The following KIAA1217 variants were observed in gnomAD, a reference collection of about 807,000 sequenced individuals.
The protein encoded by KIAA1217 is KIAA1217, also known as sickle tail protein homolog.
A neutral mutation model predicts 163.9 loss-of-function variants in KIAA1217; 88 were observed. The observed-to-expected ratio is 0.54, with a 90% CI of 0.45 to 0.64. The LOEUF is 0.64. Among genes scored for constraint, KIAA1217 ranks in the 30% least tolerant of loss-of-function variants. The pLI, the probability that KIAA1217 is intolerant of heterozygous loss-of-function variation, is 0.00. For synonymous variants in KIAA1217, 903 were observed against 923.1 expected, an observed-to-expected ratio of 0.98 and a Z score of 0.39; for missense variants, 2,372 against 2,475.0, an observed-to-expected ratio of 0.96 and a Z score of 0.88.
chr10:23,845,453 A>G (rs190477197), intron 1 of KIAA1217, among the ~76,000 whole-genome samples: 124 of 152,180 alleles, frequency 8.1e-4, no homozygotes, highest in African/African-American at 2.8e-3. Context: ...ATGGTATCTC[A>G]TTGTGGTTTT....
At chr10:24,368,920 C>T in intron 2 of KIAA1217, 2 of 884,622 alleles carry the variant, frequency 2.3e-6, no homozygotes, top group Non-Finnish European at 2.7e-6. Context: ...CCAATTACTT[C>T]TCACTTTATC....
intron 6 of KIAA1217, among the ~76,000 whole-genome samples, chr10:24,492,664 A>T (rs1034013832): frequency 6.6e-6 from 1 of 152,182 alleles, no homozygotes; most frequent in Non-Finnish European, 1.5e-5. Flanking sequence ...GAAGCTTCCA[A>T]TTACAAAATT....
intron 1 of KIAA1217, among the ~76,000 whole-genome samples, chr10:23,885,689 G>A (rs1356507939): frequency 6.6e-6 from 1 of 151,934 alleles, no homozygotes; most frequent in African/African-American, 2.4e-5. Context: ...TCGTGGAACT[G>A]ATCAGAACAG....
Position 23,971,133 on chromosome 10 carries a change from C to T in KIAA1217, c.-320-36092C>T, listed in dbSNP as rs989176341. On this transcript the variant is annotated intron_variant, in intron 1 of 18. Transcript: ENST00000376462. ...GAGTCTTCCCTTGGGGTTGTTTTCCCGTGTGCACAGTGGCCTGCCCGCCCT... is the reference window on the plus strand; with the variant it reads ...GAGTCTTCCCTTGGGGTTGTTTTCCTGTGTGCACAGTGGCCTGCCCGCCCT... Among the ~76,000 whole-genome samples the T allele has an allele frequency of 8.5e-5, 13 of 152,198 alleles. No individual in the cohort carries two copies. The South Asian group carries it at 1.5e-3, about 17-fold the overall frequency.
intron 1 of KIAA1217, among the ~76,000 whole-genome samples, chr10:23,991,677 C>A (rs184539763): frequency 6.6e-6 from 1 of 152,062 alleles, no homozygotes; most frequent in African/African-American, 2.4e-5. Flanking sequence ...CCGCATTTCA[C>A]GTATATGATA....
At chr10:23,791,495 C>T (rs1835950110) in intron 1 of KIAA1217, among the ~76,000 whole-genome samples, 2 of 152,176 alleles carry the variant, frequency 1.3e-5, no homozygotes, top group African/African-American at 2.4e-5. Flanking sequence ...AATAAAACCA[C>T]AGTACCAATA....
intron 2 of KIAA1217, among the ~76,000 whole-genome samples, chr10:24,334,731 A>G (rs2046136830): frequency 6.6e-6 from 1 of 152,210 alleles, no homozygotes; most frequent in African/African-American, 2.4e-5. Flanking sequence ...AGTGTTTGGC[A>G]CATAGTCATA....
intron 1 of KIAA1217, among the ~76,000 whole-genome samples, chr10:23,785,507 T>G (rs962449322): frequency 6.6e-6 from 1 of 152,216 alleles, no homozygotes; most frequent in African/African-American, 2.4e-5. Context: ...ATCTATTTTA[T>G]TTTTCATCAC....
Position 24,251,422 on chromosome 10 carries a change from A to G in KIAA1217, c.354+31513A>G, listed in dbSNP as rs1259217923. 2.9e-5 allele frequency among the ~76,000 whole-genome samples: 4 copies of G among 139,746 alleles called. No individual in the cohort carries two copies. In the East Asian group the frequency reaches 6.2e-4, roughly 22 times the overall value. 91.7% of individuals were successfully genotyped at this position (139,746 alleles called of 152,430 possible). A position where few individuals can be genotyped will look rare whatever the true frequency, so the allele number is the denominator to read the frequency against. ...TCTCAAAAAAAAAAAAAAAAAAAAA[A>G]CAAGAAAAAAAAAGAAAGAAAAAAA... On this transcript the variant is annotated intron_variant, in intron 2 of 20. Transcript: ENST00000376454.
chr10:24,338,192 C>T (rs903258606), intron 2 of KIAA1217, among the ~76,000 whole-genome samples: 1 of 152,110 alleles, frequency 6.6e-6, no homozygotes, highest in South Asian at 2.1e-4. Flanking sequence ...TAGGTTCTGC[C>T]AATGCAGAGG....
chr10:24,244,713 T>A (rs1211935984), intron 2 of KIAA1217, among the ~76,000 whole-genome samples: 2 of 151,944 alleles, frequency 1.3e-5, no homozygotes, highest in Non-Finnish European at 2.9e-5. Flanking sequence ...TATAGGCATG[T>A]GCTACCATGC....
intron 2 of KIAA1217, among the ~76,000 whole-genome samples, chr10:24,290,627 G>A (rs1359515463): frequency 2.0e-5 from 3 of 148,166 alleles, no homozygotes; most frequent in Non-Finnish European, 3.0e-5. Context: ...TTTTTCAGAC[G>A]GAGTCTTGCT....
intron 1 of KIAA1217, among the ~76,000 whole-genome samples, chr10:24,212,643 T>C (rs1456161025): frequency 6.6e-6 from 1 of 152,246 alleles, no homozygotes; most frequent in Non-Finnish European, 1.5e-5. Context: ...GCTTCATTTT[T>C]AGTTCTCCCG....
At chr10:23,894,933 G>T (rs1277607513) in intron 1 of KIAA1217, among the ~76,000 whole-genome samples, 1 of 151,978 alleles carries the variant, frequency 6.6e-6, no homozygotes, top group African/African-American at 2.4e-5. Context: ...AAACTGGCTA[G>T]CCATATGTAG....
intron 1 of KIAA1217, among the ~76,000 whole-genome samples, chr10:23,857,534 G>A (rs370862070): frequency 5.9e-5 from 9 of 152,288 alleles, no homozygotes; most frequent in Middle Eastern, 3.4e-3. Context: ...AGGTCTTCAA[G>A]CCTGTCTCTA....
At chr10:24,239,170 C>T (rs116279891) in intron 2 of KIAA1217, 2 of 985,206 alleles carry the variant, frequency 2.0e-6, no homozygotes, top group African/African-American at 1.7e-5. Context: ...ATGCAAATGA[C>T]GAGAGTTTCA....
At chr10:23,913,668 TA>T (rs1000083802) in intron 1 of KIAA1217, among the ~76,000 whole-genome samples, 2 of 152,132 alleles carry the variant, frequency 1.3e-5, no homozygotes, top group African/African-American at 4.8e-5. Context: ...TGTCTGGTTC[TA>T]AAATAGCACT....
chr10:24,356,677 T>A (rs2049148601), intron 2 of KIAA1217, among the ~76,000 whole-genome samples: 1 of 152,178 alleles, frequency 6.6e-6, no homozygotes, highest in South Asian at 2.1e-4. Context: ...AAAGAATAAG[T>A]TTGGGCCCCC....
intron 2 of KIAA1217, among the ~76,000 whole-genome samples, chr10:24,089,838 A>G (rs963492021): frequency 1.3e-5 from 2 of 151,902 alleles, no homozygotes; most frequent in Admixed American, 6.5e-5. Context: ...GGATAGGAAG[A>G]ATCAATGTCA....
Sources: gnomAD v4.1 joint callset for allele counts (sites outside exome capture counted in the v4.1 genomes callset) on GRCh38, gnomAD v4.1.1 for gene constraint, MANE v1.5 for transcripts, NCBI Gene and HGNC (gene_info 2026-07-23, HGNC 2026-07-21) for gene names.